ZNF516: variants seen among roughly 807,000 people sequenced by gnomAD.
ZNF516 encodes zinc finger protein 516.
A neutral mutation model predicts 79.7 loss-of-function variants in ZNF516; 19 were observed. The ratio of observed to expected loss-of-function variants is 0.24; its 90% confidence interval spans 0.17 to 0.35. ZNF516 has a LOEUF of 0.35. Among genes scored for constraint, ZNF516 ranks in the 10% least tolerant of loss-of-function variants. The pLI, the probability that ZNF516 is intolerant of heterozygous loss-of-function variation, is 1.00. For synonymous variants in ZNF516, 877 were observed against 739.5 expected (o/e 1.19, Z -3.02); for missense variants, 1,678 against 1,679.5 (o/e 1.00, Z 0.02).
chr18:76,455,259 C>T (rs1453622490), intron 2 of ZNF516, among the ~76,000 whole-genome samples: 2 of 152,244 alleles, frequency 1.3e-5, no homozygotes, highest in African/African-American at 4.8e-5. Flanking sequence ...AAGGTCAGAA[C>T]AGTCACGGGT....
intron 3 of ZNF516, among the ~76,000 whole-genome samples, chr18:76,412,223 C>A (rs576207882): frequency 6.6e-6 from 1 of 152,220 alleles, no homozygotes; most frequent in African/African-American, 2.4e-5. Flanking sequence ...CCAAGACCAG[C>A]GAAGGTCGCC....
At chr18:76,392,337 A>G (rs1476314207) in intron 3 of ZNF516, among the ~76,000 whole-genome samples, 1 of 152,238 alleles carries the variant, frequency 6.6e-6, no homozygotes, top group Non-Finnish European at 1.5e-5. Flanking sequence ...GGTCAGCCAC[A>G]GGCTCTAGGG....
chr18:76,479,000 G>A (rs1021979976), intron 1 of ZNF516, among the ~76,000 whole-genome samples: 2 of 151,918 alleles, frequency 1.3e-5, no homozygotes, highest in East Asian at 3.9e-4. Context: ...AGGTTGCAGT[G>A]AGCCGAGATC....
rs3794927 is a variant in ZNF516 at position 76,462,907 on chromosome 18, T to C, written c.-158+121A>G. On this transcript the variant is annotated intron_variant, in intron 2 of 6. Coordinates refer to ENST00000443185, the MANE Select transcript of ZNF516 (RefSeq NM_014643.4). ...CCATCATTTTACATTTTTCTAGCTA[T>C]GCCAAGAAAAGCGACCCTACACCAT... 3.3e-5 allele frequency: 5 copies of C among 151,402 alleles called. No individual in the cohort carries two copies. In the East Asian group the frequency reaches 9.9e-4, roughly 30 times the overall value. The allele number at this position is 151,402 out of a possible 1,614,324, so 9.4% of individuals were successfully genotyped here.
intron 1 of ZNF516, among the ~76,000 whole-genome samples, chr18:76,482,943 CA>C (rs1486048707): frequency 1.3e-5 from 2 of 152,076 alleles, no homozygotes; most frequent in Non-Finnish European, 2.9e-5. Flanking sequence ...AGAAAGGTAG[CA>C]AAATCACCTA....
In ZNF516 at chr18:76,422,432, G is replaced by A. The variant is rs147162338; in HGVS notation, c.1810+18813C>T. On this transcript the variant is annotated intron_variant, in intron 3 of 6. Coordinates refer to ENST00000443185, the MANE Select transcript of ZNF516 (RefSeq NM_014643.4). The stretch of plus-strand genomic sequence containing the variant: ...AAACACGTGACTGCCCTAACTTTCC[G>A]GAAGCTAAATGTAGGATTCAGAAAT... Among the ~76,000 whole-genome samples, 24 of 152,298 alleles carry A rather than the reference G, an allele frequency of 1.6e-4. No individual in the cohort carries two copies. In the East Asian group the frequency reaches 1.7e-3, roughly 11 times the overall value.
At chr18:76,488,531 G>GGGGAGA (rs1568333412) in intron 1 of ZNF516, among the ~76,000 whole-genome samples, 1 of 151,520 alleles carries the variant, frequency 6.6e-6, no homozygotes, top group East Asian at 1.9e-4. Flanking sequence ...TGAGGGGGAG[G>GGGGAGA]GGGAGGGGGA....
chr18:76,455,187 C>T (rs933803241), intron 2 of ZNF516, among the ~76,000 whole-genome samples: 1 of 152,124 alleles, frequency 6.6e-6, no homozygotes, highest in East Asian at 1.9e-4. Flanking sequence ...AAGACCATGA[C>T]ACTAATTCAG....
chr18:76,424,618 G>A (rs1404804651), intron 3 of ZNF516, among the ~76,000 whole-genome samples: 1 of 122,926 alleles, frequency 8.1e-6, no homozygotes, highest in Non-Finnish European at 1.7e-5. Context: ...AACACACGCA[G>A]GTGAAAAGGC....
Position 76,370,545 on chromosome 18 carries a change from C to T in ZNF516, c.3415G>A (p.Ala1139Thr), listed in dbSNP as rs752191224. ...AGACCTACTTGTTTGGGGGCGTCTG[C>T]GGAGGTGGTATGAACTTCAGAACCC... The part of the protein sequence containing the change: ...PRGSEVHTTS[A>T]DAPKQGRDHS... The change falls in exon 6 of 7, where the codon GCA (alanine) becomes ACA (threonine). Residue 1139 changes from alanine (A) to threonine (T), a missense_variant. By Grantham distance (58) the Ala-to-Thr change is moderately conservative. Around this residue, in one of 5 missense-constraint regions of ZNF516, gnomAD observed 1,294 missense variants for 1,248.3 expected, o/e 1.04. Coordinates refer to ENST00000443185, the MANE Select transcript of ZNF516 (RefSeq NM_014643.4). 9.3e-6 allele frequency: 15 copies of T among 1,607,848 alleles called. No homozygotes were observed. The highest frequency in any genetic ancestry group is 2.2e-5 in the East Asian group (1 of 44,686).
intron 1 of ZNF516, among the ~76,000 whole-genome samples, chr18:76,480,130 A>G (rs1459816968): frequency 6.7e-6 from 1 of 149,840 alleles, no homozygotes; most frequent in Non-Finnish European, 1.5e-5. Context: ...GGGAAGGTAA[A>G]ATGCACATGG....
intron 2 of ZNF516, among the ~76,000 whole-genome samples, chr18:76,462,010 C>T (rs776015758): frequency 1.3e-5 from 2 of 152,242 alleles, no homozygotes; most frequent in African/African-American, 2.4e-5. Context: ...ATCAAGCGTG[C>T]GGGCCCTGGC....
At chr18:76,380,808 C>T (rs1027315679) in intron 3 of ZNF516, among the ~76,000 whole-genome samples, 2 of 151,648 alleles carry the variant, frequency 1.3e-5, no homozygotes, top group East Asian at 1.9e-4. Context: ...AAGGACCCCC[C>T]GTGTCTGCCT....
chr18:76,478,557 C>T (rs948803414), intron 1 of ZNF516, among the ~76,000 whole-genome samples: 1 of 152,010 alleles, frequency 6.6e-6, no homozygotes, highest in African/African-American at 2.4e-5. Flanking sequence ...AATAACAAAT[C>T]CCTTACAGTT....
rs751048824 is a variant in ZNF516, at chr18:76,377,340, G to A, written c.3259+1515C>T. Among the ~76,000 whole-genome samples, 5 of 152,274 alleles carry A rather than the reference G, an allele frequency of 3.3e-5. No homozygotes were observed. The East Asian group carries it at 5.8e-4, about 18-fold the overall frequency. ...CCTAAAAAGTTCACAAGTGCTCAGCGGGCTCTTCAAAGCAGGAATGTAACA... is the reference window on the plus strand; with the variant it reads ...CCTAAAAAGTTCACAAGTGCTCAGCAGGCTCTTCAAAGCAGGAATGTAACA... On this transcript the variant is annotated intron_variant, in intron 4 of 6. Transcript: ENST00000443185.
At chr18:76,455,551 A>G (rs559304242) in intron 2 of ZNF516, among the ~76,000 whole-genome samples, 12 of 152,334 alleles carry the variant, frequency 7.9e-5, no homozygotes, top group Non-Finnish European at 8.8e-5. Flanking sequence ...GTGTAAGCAC[A>G]GCCAAGGGCA....
intron 6 of ZNF516, among the ~76,000 whole-genome samples, chr18:76,364,416 G>T (rs183238806): frequency 1.3e-5 from 2 of 152,322 alleles, no homozygotes; most frequent in Admixed American, 1.3e-4. Context: ...TTTTGAGCAC[G>T]CCCACCATCG....
rs758451559 is a variant in ZNF516, at chr18:76,378,857, C to T, written c.3257G>A (p.Arg1086Lys). Residue 1086 changes from arginine to lysine, a missense_variant and splice_region_variant, in exon 4 of 7, where the codon AGA becomes AAA. Arg to Lys is a conservative substitution (Grantham distance 26). Coordinates refer to ENST00000443185, the MANE Select transcript of ZNF516 (RefSeq NM_014643.4). ...AAGAGAGGGCCCGCACATCTTACCT[C>T]TGTGCTCCAACCCAGGGCCGCTGAC... ...WGVSGPGLEH[R>K]GTLRTQARPG... is the part of the protein sequence containing the mutation. The T allele has an allele frequency of 2.5e-6, 4 of 1,612,354 alleles. No individual in the cohort carries two copies. The highest frequency in any genetic ancestry group is 3.4e-6 in the Non-Finnish European group (4 of 1,179,088).
chr18:76,494,450 G>A (rs1297810966), intron 1 of ZNF516, among the ~76,000 whole-genome samples: 4 of 72,326 alleles, frequency 5.5e-5, no homozygotes, highest in Non-Finnish European at 1.1e-4. Flanking sequence ...CCAGACCCTC[G>A]CCCCCACCCC....
Sources: gnomAD v4.1 joint callset for allele counts (sites outside exome capture counted in the v4.1 genomes callset) on GRCh38, gnomAD v4.1.1 for gene constraint, gnomAD v4.1.1 regional missense constraint, MANE v1.5 for transcripts, NCBI Gene and HGNC (gene_info 2026-07-23, HGNC 2026-07-21) for gene names.